Variants in HACD2 observed in about 807,000 individuals in gnomAD.
HACD2 encodes the protein very-long-chain (3R)-3-hydroxyacyl-CoA dehydratase 2.
A neutral mutation model predicts 31.0 loss-of-function variants in HACD2; 15 were observed. The ratio of observed to expected loss-of-function variants is 0.48; its 90% confidence interval spans 0.32 to 0.75. The LOEUF (loss-of-function observed/expected upper bound fraction) is 0.75. HACD2 is among the 30% of genes least tolerant of loss of function. The pLI is 0.03. For synonymous variants in HACD2, 115 were observed against 122.2 expected (o/e 0.94, Z 0.39); for missense variants, 283 against 313.0 (o/e 0.90, Z 0.72).
Position 123,502,535 on chromosome 3 carries a change from A to G in HACD2, c.503+25T>C, listed in dbSNP as rs776129161. 34 of 1,606,178 alleles carry G rather than the reference A, an allele frequency of 2.1e-5. No homozygotes were observed. The Admixed American group carries it at 4.0e-4, about 19-fold the overall frequency. ...TCAATGACAGATCATTTCAAAAGTG[A>G]GCCTTTTGAAATGTGCTTTTTTACC... On this transcript the variant is annotated intron_variant, in intron 5 of 6. Transcript: ENST00000383657.
intron 3 of HACD2, among the ~76,000 whole-genome samples, chr3:123,534,747 G>T (rs1387056137): frequency 1.3e-5 from 2 of 151,688 alleles, no homozygotes. Flanking sequence ...GACACGATGT[G>T]GAGGCAGAAG....
At chr3:123,544,342 C>G (rs935794311) in intron 3 of HACD2, among the ~76,000 whole-genome samples, 2 of 152,154 alleles carry the variant, frequency 1.3e-5, no homozygotes, top group African/African-American at 4.8e-5. Context: ...ATATCTGCAG[C>G]TTGAAAACGA....
chr3:123,567,630 G>T, intron 3 of HACD2, 132 bp downstream of exon 3: 1 of 558,988 alleles, frequency 1.8e-6, no homozygotes, highest in South Asian at 5.5e-5. Flanking sequence ...TCTAATTTCA[G>T]CAATTTCATA....
At position 123,584,853 on chromosome 3, in the gene HACD2, TC is replaced by T; in HGVS notation, c.155+19del. Reference sequence around the variant, plus strand: ...TCCCCGGCCGCGCTGGCTCCCCGCCTCCCCGAGCCCCAGCCTCACCCGGCTG... The same window carrying T: ...TCCCCGGCCGCGCTGGCTCCCCGCCTCCCGAGCCCCAGCCTCACCCGGCTG... On this transcript the variant is annotated intron_variant, in intron 1 of 6. Coordinates refer to ENST00000383657, the MANE Select transcript of HACD2 (RefSeq NM_198402.5). The T allele has an allele frequency of 6.9e-7, 1 of 1,459,330 alleles. No homozygotes were observed. Among genetic ancestry groups the T allele is most frequent in the Non-Finnish European group, 9.1e-7 (1 of 1,099,662 alleles). The allele number at this position is 1,459,330 out of a possible 1,614,324, so 90.4% of individuals were successfully genotyped here.
intron 3 of HACD2, among the ~76,000 whole-genome samples, chr3:123,528,693 C>A (rs1037220865): frequency 6.6e-6 from 1 of 152,142 alleles, no homozygotes; most frequent in African/African-American, 2.4e-5. Context: ...TATTATAAAA[C>A]CATGGGATCC....
chr3:123,494,463 A>G lies in HACD2; in HGVS notation c.*425T>C, dbSNP rs2055808401. The G allele has an allele frequency of 4.9e-6, 1 of 204,908 alleles. No individual in the cohort carries two copies. The allele number at this position is 204,908 out of a possible 1,614,324, so 12.7% of individuals were successfully genotyped here. Reference sequence around the variant, plus strand: ...TGCAGTCAAGCACTTTGACAAGGGAATGCTAAACACACTGCAGACTGAAAC... The same window carrying G: ...TGCAGTCAAGCACTTTGACAAGGGAGTGCTAAACACACTGCAGACTGAAAC... On this transcript the variant is annotated 3_prime_UTR_variant, in exon 7 of 7. Coordinates refer to ENST00000383657, the MANE Select transcript of HACD2 (RefSeq NM_198402.5).
At chr3:123,503,377 C>T (rs557148125) in intron 4 of HACD2, among the ~76,000 whole-genome samples, 1 of 151,972 alleles carries the variant, frequency 6.6e-6, no homozygotes, top group Admixed American at 6.6e-5. Context: ...TATTTCCTCC[C>T]ATTAGAGACT....
At chr3:123,570,625 T>C (rs1314827890) in intron 2 of HACD2, among the ~76,000 whole-genome samples, 2 of 152,188 alleles carry the variant, frequency 1.3e-5, no homozygotes, top group Admixed American at 1.3e-4. Context: ...ATAATCTAAA[T>C]AATCTCCTAG....
chr3:123,495,479 C>T (rs2107675571), intron 6 of HACD2, among the ~76,000 whole-genome samples: 1 of 151,984 alleles, frequency 6.6e-6, no homozygotes, highest in Middle Eastern at 3.4e-3. Context: ...GGTCCCAGGG[C>T]AGGTGATTCT....
At chr3:123,553,898 A>G (rs2056645631) in intron 3 of HACD2, among the ~76,000 whole-genome samples, 1 of 151,704 alleles carries the variant, frequency 6.6e-6, no homozygotes, top group Non-Finnish European at 1.5e-5. Context: ...GACATCTCCA[A>G]TGTGTCACAG....
intron 6 of HACD2, among the ~76,000 whole-genome samples, chr3:123,496,619 T>A (rs757407871): frequency 8.5e-5 from 13 of 152,170 alleles, no homozygotes; most frequent in Non-Finnish European, 1.9e-4. Context: ...AGAACTATTT[T>A]GGCACGAAAG....
At chr3:123,503,497 G>A (rs2055932843) in intron 4 of HACD2, among the ~76,000 whole-genome samples, 1 of 152,070 alleles carries the variant, frequency 6.6e-6, no homozygotes, top group South Asian at 2.1e-4. Flanking sequence ...CTCCTCTGAA[G>A]TTGTTTTTAT....
intron 5 of HACD2, 75 bp from the exon 6 acceptor site, chr3:123,500,768 A>G (rs2055893119): frequency 2.2e-6 from 2 of 906,382 alleles, no homozygotes. Context: ...CCACCCTTCT[A>G]ATCAGTACTG....
chr3:123,515,775 A>G (rs1348750388), intron 4 of HACD2, among the ~76,000 whole-genome samples: 1 of 150,882 alleles, frequency 6.6e-6, no homozygotes, highest in Non-Finnish European at 1.5e-5. Context: ...TTTTTTTTTG[A>G]GACGGAGTCT....
intron 3 of HACD2, among the ~76,000 whole-genome samples, chr3:123,560,558 C>T (rs2056717121): frequency 6.6e-6 from 1 of 152,154 alleles, no homozygotes; most frequent in Non-Finnish European, 1.5e-5. Context: ...CACCACTAAA[C>T]ATGCTCCCAG....
chr3:123,522,662 C>CTT (rs4048459), intron 4 of HACD2, among the ~76,000 whole-genome samples: 29,575 of 146,210 alleles, frequency 0.2, 3,500 homozygotes, highest in East Asian at 0.35. Context: ...AATAAGGAGA[C>CTT]TTTTTTTTTT....
chr3:123,530,526 C>T (rs577785994), intron 3 of HACD2, among the ~76,000 whole-genome samples: 14 of 151,834 alleles, frequency 9.2e-5, no homozygotes, highest in South Asian at 2.1e-4. Flanking sequence ...CTCCTGCCTC[C>T]GCCTCCCGAG....
intron 3 of HACD2, among the ~76,000 whole-genome samples, chr3:123,545,449 T>C (rs1292170711): frequency 3.4e-5 from 5 of 147,888 alleles, no homozygotes; most frequent in Non-Finnish European, 7.4e-5. Flanking sequence ...GCCACTGCAC[T>C]CCGGCCTGGG....
At chr3:123,529,809 A>G (rs1215895862) in intron 3 of HACD2, among the ~76,000 whole-genome samples, 1 of 152,232 alleles carries the variant, frequency 6.6e-6, no homozygotes, top group Non-Finnish European at 1.5e-5. Flanking sequence ...TGTGTAATAC[A>G]GCTAACAGAG....
Sources: allele counts gnomAD v4.1 joint callset (sites outside exome capture counted in the v4.1 genomes callset), GRCh38; gene constraint gnomAD v4.1.1; transcripts MANE v1.5; gene names NCBI Gene and HGNC (gene_info 2026-07-23, HGNC 2026-07-21).